C1orf159: variants seen among roughly 807,000 people sequenced by gnomAD.
The protein encoded by C1orf159 is chromosome 1 open reading frame 159, also known as uncharacterized protein C1orf159.
A neutral mutation model predicts 25.6 loss-of-function variants in C1orf159; 19 were observed. The observed-to-expected ratio is 0.74, with a 90% CI of 0.52 to 1.09. C1orf159 has a LOEUF of 1.09. Ranked by LOEUF, C1orf159 falls within the 50% of genes least tolerant of loss-of-function variation. C1orf159 has a pLI of 0.00. For synonymous variants in C1orf159, 139 were observed against 124.7 expected (o/e 1.12, Z -0.77); for missense variants, 274 against 290.6 (o/e 0.94, Z 0.42).
At chr1:1,090,729 A>G (rs1645916780) in intron 3 of C1orf159, 3 of 795,022 alleles carry the variant, frequency 3.8e-6, no homozygotes, top group Admixed American at 2.0e-5. Flanking sequence ...CGCCACCGAC[A>G]TTCTCTGCAA....
chr1:1,097,668 C>T (rs1405209453), intron 1 of C1orf159, among the ~76,000 whole-genome samples: 1 of 151,204 alleles, frequency 6.6e-6, no homozygotes, highest in Non-Finnish European at 1.5e-5. Context: ...AGCAGTCCTC[C>T]CACCTATGCC....
chr1:1,093,397 A>G (rs1645967383), intron 1 of C1orf159, among the ~76,000 whole-genome samples: 1 of 152,136 alleles, frequency 6.6e-6, no homozygotes, highest in Admixed American at 6.5e-5. Context: ...CATACAATAA[A>G]CCACATCCGT....
rs1646241402 is a variant in C1orf159, at chr1:1,110,437, T to A, written c.-136+5623A>T. ...CCAGACAAAAGCCCTGAATATGGAATATATAAAGGACTTTCACAATCTGGT... is the reference window on the plus strand; with the variant it reads ...CCAGACAAAAGCCCTGAATATGGAAAATATAAAGGACTTTCACAATCTGGT... On this transcript the variant is annotated intron_variant, in intron 1 of 9. Coordinates refer to ENST00000421241, the MANE Select transcript of C1orf159 (RefSeq NM_017891.5). The surrounding 1 kb of genome is among the most constrained non-coding windows in gnomAD (Gnocchi z 4.8). Among the ~76,000 whole-genome samples the A allele has an allele frequency of 6.6e-6, 1 of 152,040 alleles. No individual in the cohort carries two copies. The highest frequency in any genetic ancestry group is 1.5e-5 in the Non-Finnish European group (1 of 68,000).
rs1052016541 is a variant in C1orf159 at position 1,082,860 on chromosome 1, C to A, written c.*33G>T. The stretch of plus-strand genomic sequence containing the variant: ...AAGGGGTCGGCCTCCGGGTCCCTGC[C>A]GCCAAGTGCGTGGCGTGGTCTCGGC... On this transcript the variant is annotated 3_prime_UTR_variant, in exon 10 of 10. Coordinates refer to ENST00000421241, the MANE Select transcript of C1orf159 (RefSeq NM_017891.5). 1 of 1,546,104 alleles carries A rather than the reference C, an allele frequency of 6.5e-7. No individual in the cohort carries two copies. Among genetic ancestry groups the A allele is most frequent in the Non-Finnish European group, 8.8e-7 (1 of 1,139,664 alleles).
chr1:1,091,251 C>T, intron 3 of C1orf159: 1 of 645,162 alleles, frequency 1.5e-6, no homozygotes, highest in Non-Finnish European at 2.7e-6. Flanking sequence ...CCCCGCCTGA[C>T]CCAGCCATTC....
chr1:1,085,314 G>A (rs935762572), intron 7 of C1orf159: 2 of 412,770 alleles, frequency 4.8e-6, no homozygotes, highest in South Asian at 1.7e-5. Flanking sequence ...GCCGGCCCTG[G>A]ACAACGAGGG....
intron 1 of C1orf159, among the ~76,000 whole-genome samples, chr1:1,107,756 A>G (rs749523698): frequency 6.6e-5 from 10 of 152,168 alleles, no homozygotes; most frequent in Admixed American, 2.0e-4. Flanking sequence ...CCCCTTCCAC[A>G]CTATGGAAGC....
intron 9 of C1orf159, chr1:1,083,813 G>C: frequency 9.2e-7 from 1 of 1,091,824 alleles, no homozygotes; most frequent in Non-Finnish European, 1.3e-6. Flanking sequence ...TGCACAGGGG[G>C]ACGGAGGCCG....
intron 1 of C1orf159, among the ~76,000 whole-genome samples, chr1:1,102,504 GCACAGTGGCTCACGCCTGTAATCC>G: frequency 6.7e-6 from 1 of 149,136 alleles, no homozygotes; most frequent in African/African-American, 2.5e-5. Flanking sequence ...TCTTGGCCAA[GCACAGTGGCTCACGCCTGTAATCC>G]CAGCACCTTG....
chr1:1,103,391 G>C (rs1424265763), intron 1 of C1orf159, among the ~76,000 whole-genome samples: 3 of 152,172 alleles, frequency 2.0e-5, no homozygotes, highest in African/African-American at 7.2e-5. Context: ...GAGTGATTTT[G>C]AACTGTACCC....
At chr1:1,088,748 C>T (rs1330745128) in intron 4 of C1orf159, among the ~76,000 whole-genome samples, 2 of 152,170 alleles carry the variant, frequency 1.3e-5, no homozygotes, top group Non-Finnish European at 2.9e-5. Flanking sequence ...ACGCCTCGAC[C>T]CTTCCTCACA....
At position 1,095,188 on chromosome 1, in the gene C1orf159, T is replaced by G. The variant is rs574789900; in HGVS notation, c.-135-3085A>C. On this transcript the variant is annotated intron_variant, in intron 1 of 9. Coordinates refer to ENST00000421241, the MANE Select transcript of C1orf159 (RefSeq NM_017891.5). ...TCAGCTCCACTTTGATTAATTGCTTTGGCAATTCCAGGTCACATGTGTTTC... is the reference window on the plus strand; with the variant it reads ...TCAGCTCCACTTTGATTAATTGCTTGGGCAATTCCAGGTCACATGTGTTTC... 1.0e-3 allele frequency among the ~76,000 whole-genome samples: 155 copies of G among 152,348 alleles called. 1 individual carries two copies. Among genetic ancestry groups the G allele is most frequent in the African/African-American group, 3.6e-3 (148 of 41,582 alleles).
At chr1:1,109,102 T>C (rs1016580290) in intron 1 of C1orf159, among the ~76,000 whole-genome samples, 5 of 150,184 alleles carry the variant, frequency 3.3e-5, no homozygotes, top group African/African-American at 1.3e-4. Flanking sequence ...TGCAGCAGCA[T>C]TGTTCACCAC....
chr1:1,082,923 G>A lies in C1orf159; in HGVS notation c.567C>T (p.Phe189=), dbSNP rs1490393414. The part of the protein sequence containing the change: ...PLDRATDPAA[F]PGEARISNV The stretch of plus-strand genomic sequence containing the variant: ...CATTGCTGATACGGGCCTCCCCCGG[G>A]AAGGCAGCGGGATCCGTGGCCCTGT... The change falls in exon 10 of 10, where the codon TTC becomes TTT. Residue 189 remains phenylalanine, a synonymous_variant. Coordinates refer to ENST00000421241, the MANE Select transcript of C1orf159 (RefSeq NM_017891.5). 1.6e-5 allele frequency: 25 copies of A among 1,602,218 alleles called. No homozygotes were observed. The highest frequency in any genetic ancestry group is 1.8e-5 in the Non-Finnish European group (21 of 1,175,258).
chr1:1,086,031 G>C lies in C1orf159; in HGVS notation c.311-19C>G. 5 of 1,611,984 alleles carry C rather than the reference G, an allele frequency of 3.1e-6. No homozygotes were observed. The highest frequency in any genetic ancestry group is 4.2e-6 in the Non-Finnish European group (5 of 1,179,542). On this transcript the variant is annotated intron_variant, in intron 6 of 9. Coordinates refer to ENST00000421241, the MANE Select transcript of C1orf159 (RefSeq NM_017891.5). ...GGAGCCCCTGCAAACAGACACCGCTGAGCAGACGGGCAGGACGGTGGCCCT... is the reference window on the plus strand; with the variant it reads ...GGAGCCCCTGCAAACAGACACCGCTCAGCAGACGGGCAGGACGGTGGCCCT...
Position 1,081,836 on chromosome 1 carries a change from A to G in C1orf159, c.*1057T>C, listed in dbSNP as rs6667248. On this transcript the variant is annotated 3_prime_UTR_variant, in exon 10 of 10. Coordinates refer to ENST00000421241, the MANE Select transcript of C1orf159 (RefSeq NM_017891.5). The surrounding 1 kb of genome is among the most constrained non-coding windows in gnomAD (Gnocchi z 7.1). Reference sequence around the variant, plus strand: ...TCGGAACGCAGCTTGAGTAATGCCGACTTTATATCAGCACACCCAGTGCCC... The same window carrying G: ...TCGGAACGCAGCTTGAGTAATGCCGGCTTTATATCAGCACACCCAGTGCCC... 0.057 allele frequency: 8,715 copies of G among 152,358 alleles called. 799 individuals carry two copies. Among genetic ancestry groups the G allele is most frequent in the African/African-American group, 0.2 (8,193 of 41,536 alleles). 9.4% of individuals were successfully genotyped at this position (152,358 alleles called of 1,614,324 possible). A position where few individuals can be genotyped will look rare whatever the true frequency, so the allele number is the denominator to read the frequency against.
chr1:1,083,337 T>C (rs775255825), intron 9 of C1orf159: 127 of 255,942 alleles, frequency 5.0e-4, no homozygotes, highest in Non-Finnish European at 8.1e-4. Context: ...ACCTCGAATG[T>C]GACCTTATTT....
At chr1:1,085,771 T>A in intron 7 of C1orf159, 107 bp downstream of exon 7, 1 of 1,422,522 alleles carries the variant, frequency 7.0e-7, no homozygotes. Context: ...TCCCGGCCTC[T>A]GCCAGCCTGC....
intron 1 of C1orf159, among the ~76,000 whole-genome samples, chr1:1,109,680 G>A (rs1416990971): frequency 1.3e-5 from 2 of 151,816 alleles, no homozygotes; most frequent in Admixed American, 1.3e-4. Context: ...TGTTTCGCAG[G>A]CTGGTCTTGA....
Sources: allele counts gnomAD v4.1 joint callset (sites outside exome capture counted in the v4.1 genomes callset), GRCh38; gene constraint gnomAD v4.1.1; non-coding constraint Gnocchi (gnomAD v3.1); transcripts MANE v1.5; gene names NCBI Gene and HGNC (gene_info 2026-07-23, HGNC 2026-07-21).